Variants in PPP2R2B observed in about 807,000 individuals in gnomAD.
PPP2R2B encodes the protein protein phosphatase 2 regulatory subunit Bbeta, also known as serine/threonine-protein phosphatase 2A 55 kDa regulatory subunit B beta isoform.
In PPP2R2B, 5 loss-of-function variants were observed where a neutral mutation model predicts 46.0. The ratio of observed to expected loss-of-function variants is 0.11; its 90% CI spans 0.06 to 0.23. The LOEUF (loss-of-function observed/expected upper bound fraction) is 0.23, where lower values mean the gene tolerates loss of function less well. PPP2R2B is among the 10% of genes least tolerant of loss of function. The pLI is 1.00. For synonymous variants in PPP2R2B, 215 were observed against 206.7 expected (o/e 1.04, Z -0.34); for missense variants, 367 against 575.0 (o/e 0.64, Z 3.70).
intron 9 of PPP2R2B, among the ~76,000 whole-genome samples, chr5:146,591,458 G>A (rs145017907): frequency 2.0e-3 from 310 of 152,156 alleles, no homozygotes; most frequent in Middle Eastern, 0.01. Flanking sequence ...CCATGATCTC[G>A]TTTCAACTTC....
chr5:147,061,853 C>T (rs899706692), intron 2 of PPP2R2B, among the ~76,000 whole-genome samples: 1 of 152,098 alleles, frequency 6.6e-6, no homozygotes, highest in African/African-American at 2.4e-5. Flanking sequence ...ATGTTTTGCA[C>T]CAAATTTTAT....
chr5:146,955,939 C>T (rs535096593), intron 1 of PPP2R2B, among the ~76,000 whole-genome samples: 110 of 151,656 alleles, frequency 7.3e-4, no homozygotes, highest in Non-Finnish European at 1.2e-3. Context: ...CCACTGTGCC[C>T]GGCTAATTTT....
chr5:146,588,297 C>CAGTT lies in PPP2R2B; in HGVS notation c.*1646_*1649dup, dbSNP rs901081165. ...ACAAGACTGTTTTTACCTAAGGTGA[C>CAGTT]AGTTATTTCCTTGCCAAAAAGCTAT... On this transcript the variant is annotated 3_prime_UTR_variant, in exon 10 of 10. Transcript: ENST00000394411. The CAGTT allele has an allele frequency of 6.6e-6, 1 of 152,190 alleles. No homozygotes were observed. The highest frequency in any genetic ancestry group is 1.5e-5 in the Non-Finnish European group (1 of 68,018). 9.4% of individuals were successfully genotyped at this position (152,190 alleles called of 1,614,324 possible).
intron 2 of PPP2R2B, among the ~76,000 whole-genome samples, chr5:146,818,594 C>T (rs768685858): frequency 3.3e-5 from 5 of 152,184 alleles, no homozygotes; most frequent in East Asian, 1.9e-4. Context: ...TTACCATGTG[C>T]GGGTTCTATC....
chr5:146,932,923 G>A (rs1349132842), intron 1 of PPP2R2B, among the ~76,000 whole-genome samples: 1 of 152,136 alleles, frequency 6.6e-6, no homozygotes, highest in Admixed American at 6.6e-5. Context: ...ATATCTAGCA[G>A]AGATATTACA....
chr5:147,068,194 T>A (rs569007740), intron 2 of PPP2R2B, among the ~76,000 whole-genome samples: 1 of 152,360 alleles, frequency 6.6e-6, no homozygotes, highest in African/African-American at 2.4e-5. Flanking sequence ...GCATTCACTC[T>A]GTGTCAAGCG....
rs1770416501 is a variant in PPP2R2B, at chr5:146,589,801, A to C, written c.*146T>G. ...GTTTCTTAGAACTGGGGAGCTGGGA[A>C]TGTTGGACTCCTTTTAATTCTATTC... is the stretch of plus-strand genomic sequence containing the variant. On this transcript the variant is annotated 3_prime_UTR_variant, in exon 10 of 10. Coordinates refer to ENST00000394411, the MANE Select transcript of PPP2R2B (RefSeq NM_181675.4). 1.3e-5 allele frequency: 11 copies of C among 861,184 alleles called. No homozygotes were observed. The highest frequency in any genetic ancestry group is 2.5e-5 in the East Asian group (1 of 39,884). 53.3% of individuals were successfully genotyped at this position (861,184 alleles called of 1,614,324 possible).
chr5:146,836,159 T>A (rs1486761305), intron 2 of PPP2R2B, among the ~76,000 whole-genome samples: 1 of 152,240 alleles, frequency 6.6e-6, no homozygotes. Context: ...TTCTGCCTAC[T>A]ATGCCCTCCC....
rs144555444 is a variant in PPP2R2B at position 146,638,426 on chromosome 5, C to A, written c.626-11G>T. The A allele has an allele frequency of 6.3e-7, 1 of 1,576,380 alleles. No individual in the cohort carries two copies. Among genetic ancestry groups the A allele is most frequent in the Non-Finnish European group, 8.7e-7 (1 of 1,152,796 alleles). On this transcript the variant is annotated splice_polypyrimidine_tract_variant and intron_variant, in intron 6 of 9. Transcript: ENST00000394411. The stretch of plus-strand genomic sequence containing the variant: ...TAATGTCCACAATATCTGGCACAGA[C>A]GAGTCAAGGAAGGAACCAGGAGAAG...
At chr5:147,032,995 G>A (rs1487133211) in intron 1 of PPP2R2B, among the ~76,000 whole-genome samples, 1 of 152,182 alleles carries the variant, frequency 6.6e-6, no homozygotes, top group Non-Finnish European at 1.5e-5. Context: ...CAGTGTAGAA[G>A]TGTTCCCTGT....
intron 5 of PPP2R2B, among the ~76,000 whole-genome samples, chr5:146,658,721 C>G (rs1776501614): frequency 6.6e-6 from 1 of 152,198 alleles, no homozygotes. Context: ...AGAAGATGTA[C>G]TTTAACTTAT....
intron 2 of PPP2R2B, among the ~76,000 whole-genome samples, chr5:146,835,439 C>T (rs937627649): frequency 6.6e-6 from 1 of 152,068 alleles, no homozygotes; most frequent in Non-Finnish European, 1.5e-5. Flanking sequence ...CTGGGCCCCA[C>T]CCTCATGAAG....
At chr5:146,659,100 AAAATAATAATATGAAGCTTTTGACTT>A (rs1215728430) in intron 5 of PPP2R2B, among the ~76,000 whole-genome samples, 1 of 152,202 alleles carries the variant, frequency 6.6e-6, no homozygotes, top group African/African-American at 2.4e-5. Context: ...TGAAGAAGAA[AAAATAATAATATGAAGCTTTTGACTT>A]AAAAAAAATT....
chr5:146,647,910 C>T (rs923160130), intron 6 of PPP2R2B, among the ~76,000 whole-genome samples: 1 of 152,204 alleles, frequency 6.6e-6, no homozygotes, highest in African/African-American at 2.4e-5. Context: ...CCGTGATCAA[C>T]AAAATATGCC....
chr5:147,031,362 T>A (rs1011675900), intron 1 of PPP2R2B, among the ~76,000 whole-genome samples: 5 of 152,232 alleles, frequency 3.3e-5, no homozygotes, highest in Non-Finnish European at 7.3e-5. Context: ...TTCCATAATT[T>A]CATTTAAAAT....
chr5:147,043,080 C>G (rs1453766538), intron 1 of PPP2R2B, among the ~76,000 whole-genome samples: 2 of 152,102 alleles, frequency 1.3e-5, no homozygotes, highest in Non-Finnish European at 2.9e-5. Context: ...CAATGATTTG[C>G]AGTGATAATA....
chr5:147,023,344 G>A (rs1470103346), intron 1 of PPP2R2B, among the ~76,000 whole-genome samples: 1 of 152,078 alleles, frequency 6.6e-6, no homozygotes, highest in Non-Finnish European at 1.5e-5. Flanking sequence ...GTCAGAAAAA[G>A]AAGAAGCAAG....
At chr5:147,076,839 C>G (rs937131088) in intron 2 of PPP2R2B, among the ~76,000 whole-genome samples, 69 of 151,928 alleles carry the variant, frequency 4.5e-4, no homozygotes, top group African/African-American at 1.6e-3. Context: ...TCTTTACAAC[C>G]CTCTCACTTT....
intron 2 of PPP2R2B, among the ~76,000 whole-genome samples, chr5:146,814,225 C>A (rs1371433255): frequency 2.7e-5 from 4 of 147,708 alleles, no homozygotes; most frequent in Non-Finnish European, 6.0e-5. Context: ...ATCCTATGGT[C>A]TTTTTTTTTC....
Sources: allele counts gnomAD v4.1 joint callset (sites outside exome capture counted in the v4.1 genomes callset), GRCh38; gene constraint gnomAD v4.1.1; transcripts MANE v1.5; gene names NCBI Gene and HGNC (gene_info 2026-07-23, HGNC 2026-07-21).